The following LINGO2 variants were observed in gnomAD, a reference collection of about 807,000 sequenced individuals.
LINGO2 encodes leucine-rich repeat and immunoglobulin-like domain-containing nogo receptor-interacting protein 2.
Under a neutral mutation model 30.6 loss-of-function variants are expected in LINGO2, and 14 were observed. The ratio of observed to expected loss-of-function variants is 0.46; its 90% CI spans 0.30 to 0.72. LINGO2 has a LOEUF of 0.72. LINGO2 is among the 30% of genes least tolerant of loss of function. LINGO2 has a pLI of 0.07. For missense variants in LINGO2, 729 were observed against 751.7 expected (o/e 0.97, Z 0.35); for synonymous variants, 317 against 288.5 (o/e 1.10, Z -1.00).
chr9:28,577,054 C>A (rs1207379518), intron 1 of LINGO2, among the ~76,000 whole-genome samples: 2 of 152,152 alleles, frequency 1.3e-5, no homozygotes. Flanking sequence ...TTGGGCCAAG[C>A]TAACTTTGGG....
the LINGO2 span, among the ~76,000 whole-genome samples, chr9:28,962,423 A>G: frequency 1.3e-5 from 2 of 152,074 alleles, no homozygotes; most frequent in African/African-American, 4.8e-5. Flanking sequence ...AACTTAGTTA[A>G]AACATTTTTG....
the LINGO2 span, among the ~76,000 whole-genome samples, chr9:29,015,914 C>A: frequency 6.6e-6 from 1 of 151,880 alleles, no homozygotes; most frequent in African/African-American, 2.4e-5. Context: ...TATTCAACCC[C>A]CTTCATCACG....
At position 28,177,705 on chromosome 9, in the gene LINGO2, G is replaced by A. The variant is rs1049755677; in HGVS notation, c.-87+117503C>T. ...AAATAAATAAAAAGAAAGAAAGGAAGAAAAAGGAATGGATTCAGAACTCCA... is the reference window on the plus strand; with the variant it reads ...AAATAAATAAAAAGAAAGAAAGGAAAAAAAAGGAATGGATTCAGAACTCCA... On this transcript the variant is annotated intron_variant, in intron 4 of 5. Coordinates refer to ENST00000379992, the Ensembl canonical transcript of LINGO2. Among the ~76,000 whole-genome samples, 9 of 152,020 alleles carry A rather than the reference G, an allele frequency of 5.9e-5. No homozygotes were observed. The East Asian group carries it at 1.5e-3, about 26-fold the overall frequency.
At chr9:27,952,441 A>G (rs1819361348) in intron 5 of LINGO2, among the ~76,000 whole-genome samples, 1 of 152,012 alleles carries the variant, frequency 6.6e-6, no homozygotes, top group Non-Finnish European at 1.5e-5. Flanking sequence ...TAAGCTTGAA[A>G]AATTAATTCT....
chr9:28,977,584 A>T, the LINGO2 span, among the ~76,000 whole-genome samples: 1 of 152,114 alleles, frequency 6.6e-6, no homozygotes. Flanking sequence ...CATTGCCCTG[A>T]TGTATGATTT....
At chr9:29,174,116 T>TA in the LINGO2 span, among the ~76,000 whole-genome samples, 47 of 146,352 alleles carry the variant, frequency 3.2e-4, no homozygotes, top group Middle Eastern at 3.5e-3. Context: ...ATGCTTTGTC[T>TA]AAAAAAAAAA....
intron 4 of LINGO2, among the ~76,000 whole-genome samples, chr9:28,015,115 CA>C (rs1162379451): frequency 2.0e-5 from 3 of 152,052 alleles, no homozygotes; most frequent in African/African-American, 7.2e-5. Context: ...AAAAGGCAAC[CA>C]AATCGTCCAC....
chr9:28,240,083 A>G (rs1821727259), intron 4 of LINGO2, among the ~76,000 whole-genome samples: 1 of 152,182 alleles, frequency 6.6e-6, no homozygotes, highest in African/African-American at 2.4e-5. Context: ...GAAGTAAAAG[A>G]TTTCTACAAT....
At chr9:29,102,196 C>T in the LINGO2 span, among the ~76,000 whole-genome samples, 2 of 152,188 alleles carry the variant, frequency 1.3e-5, no homozygotes, top group East Asian at 1.9e-4. Flanking sequence ...ATTCTCCTGC[C>T]TCAGCCTCCC....
chr9:28,790,688 G>A, the LINGO2 span, among the ~76,000 whole-genome samples: 1 of 152,004 alleles, frequency 6.6e-6, no homozygotes, highest in Non-Finnish European at 1.5e-5. Flanking sequence ...AAGAAGAAGA[G>A]TGAATACAGT....
chr9:28,405,915 C>T (rs981839990), intron 2 of LINGO2, among the ~76,000 whole-genome samples: 2 of 152,120 alleles, frequency 1.3e-5, no homozygotes, highest in East Asian at 3.9e-4. Context: ...TTTATTCATT[C>T]AACCAAAGAG....
At chr9:28,993,211 A>T in the LINGO2 span, among the ~76,000 whole-genome samples, 7 of 152,010 alleles carry the variant, frequency 4.6e-5, no homozygotes, top group East Asian at 1.9e-4. Flanking sequence ...AGAAATACAA[A>T]CTACCATCAG....
At chr9:28,994,827 T>C in the LINGO2 span, among the ~76,000 whole-genome samples, 1 of 152,184 alleles carries the variant, frequency 6.6e-6, no homozygotes, top group Non-Finnish European at 1.5e-5. Flanking sequence ...TGTAGAAAGC[T>C]GAAACTGGAT....
At chr9:28,304,915 G>A (rs1034918228) in intron 3 of LINGO2, among the ~76,000 whole-genome samples, 15 of 151,950 alleles carry the variant, frequency 9.9e-5, no homozygotes, top group South Asian at 8.3e-4. Context: ...TTAGCAATAA[G>A]ATGTAAAGTC....
the LINGO2 span, among the ~76,000 whole-genome samples, chr9:28,750,105 T>G: frequency 6.6e-6 from 1 of 152,084 alleles, no homozygotes; most frequent in Admixed American, 6.6e-5. Flanking sequence ...ACAGACAAAC[T>G]GAAGGATAAA....
the LINGO2 span, among the ~76,000 whole-genome samples, chr9:29,063,430 C>CTTTTTT: frequency 6.8e-6 from 1 of 147,310 alleles, no homozygotes; most frequent in Non-Finnish European, 1.5e-5. Flanking sequence ...TTGACAGAAT[C>CTTTTTT]TCGCTATTGT....
rs188968100 is a variant in LINGO2 at position 28,040,373 on chromosome 9, A to C, written c.-86-27968T>G. Reference sequence around the variant, plus strand: ...ATTGGAAGGTTCCTAGCAATGGTCCAATGTAACTTCCTTCTCAACTTTAAG... The same window carrying C: ...ATTGGAAGGTTCCTAGCAATGGTCCCATGTAACTTCCTTCTCAACTTTAAG... On this transcript the variant is annotated intron_variant, in intron 4 of 5. Coordinates refer to ENST00000379992, the Ensembl canonical transcript of LINGO2. 3.3e-3 allele frequency among the ~76,000 whole-genome samples: 497 copies of C among 152,160 alleles called. 19 individuals are homozygous for C. In the South Asian group the frequency reaches 0.071, roughly 22 times the overall value.
At chr9:28,786,353 A>G in the LINGO2 span, among the ~76,000 whole-genome samples, 1 of 152,168 alleles carries the variant, frequency 6.6e-6, no homozygotes, top group Non-Finnish European at 1.5e-5. Flanking sequence ...AAGGTAATTC[A>G]CCAGATGTAA....
intron 4 of LINGO2, among the ~76,000 whole-genome samples, chr9:28,075,726 T>C (rs758519613): frequency 8.5e-5 from 13 of 152,162 alleles, no homozygotes; most frequent in Admixed American, 2.0e-4. Context: ...GTTTATTCTT[T>C]TGCCTGTTTT....
Sources: gnomAD v4.1 joint callset for allele counts (sites outside exome capture counted in the v4.1 genomes callset) on GRCh38, gnomAD v4.1.1 for gene constraint, MANE v1.5 for transcripts, NCBI Gene and HGNC (gene_info 2026-07-23, HGNC 2026-07-21) for gene names.